Variants in TM4SF4 observed in about 807,000 individuals in gnomAD.
The protein encoded by TM4SF4 is transmembrane 4 L6 family member 4.
Under a neutral mutation model 24.1 loss-of-function variants are expected in TM4SF4, and 24 were observed. The observed-to-expected ratio is 1.00, with a 90% confidence interval of 0.72 to 1.40. The LOEUF is 1.40. TM4SF4 is among the 40% of genes most tolerant of loss of function. The pLI, the probability that TM4SF4 is intolerant of heterozygous loss-of-function variation, is 0.00. For synonymous variants in TM4SF4, 113 were observed against 97.0 expected (o/e 1.17, Z -0.97); for missense variants, 254 against 254.2 (o/e 1.00, Z 0.01).
At chr3:149,498,628 G>T in intron 3 of TM4SF4, 94 bp from the exon 4 acceptor site, 5 of 1,105,904 alleles carry the variant, frequency 4.5e-6, no homozygotes, top group Non-Finnish European at 6.7e-6. Context: ...TGGGTGGAAA[G>T]TAGTGCATGA....
chr3:149,493,723 G>C (rs1734258422), intron 3 of TM4SF4, among the ~76,000 whole-genome samples: 2 of 152,210 alleles, frequency 1.3e-5, no homozygotes, highest in Admixed American at 6.5e-5. Flanking sequence ...GTCCTGAAGA[G>C]AGGACAAACA....
At chr3:149,478,924 C>T (rs939051700) in intron 2 of TM4SF4, among the ~76,000 whole-genome samples, 7 of 151,978 alleles carry the variant, frequency 4.6e-5, no homozygotes, top group Admixed American at 2.6e-4. Context: ...CCACCATGCT[C>T]GGCTAATTTT....
rs747355286 is a variant in TM4SF4 at position 149,474,920 on chromosome 3, A to G, written c.43A>G (p.Ile15Val). The G allele has an allele frequency of 3.8e-5, 61 of 1,613,800 alleles. No homozygotes were observed. The highest frequency in any genetic ancestry group is 4.8e-5 in the Non-Finnish European group (57 of 1,179,878). Residue 15 changes from isoleucine (I) to valine (V), a missense_variant, in exon 1 of 5, where the codon ATT (isoleucine) becomes GTT (valine). By Grantham distance (29) the Ile-to-Val change is conservative. Coordinates refer to ENST00000305354, the MANE Select transcript of TM4SF4 (RefSeq NM_004617.4). Reference sequence around the variant, plus strand: ...TGCCAGATGCCTGGGGGGGACCCTCATTCCCCTTGCTTTTTTTGGCTTCCT... The same window carrying G: ...TGCCAGATGCCTGGGGGGGACCCTCGTTCCCCTTGCTTTTTTTGGCTTCCT... ...GCARCLGGTLIPLAFFGFLAN... is the reference protein window; with the variant it reads ...GCARCLGGTLVPLAFFGFLAN...
rs750684664 is a variant in TM4SF4, at chr3:149,498,813, G to T, written c.493G>T (p.Val165Phe). 6.2e-7 allele frequency: 1 copy of T among 1,613,872 alleles called. No homozygotes were observed. Among genetic ancestry groups the T allele is most frequent in the Non-Finnish European group, 8.5e-7 (1 of 1,179,876 alleles). The change falls in exon 4 of 5, where the codon GTC (valine) becomes TTC (phenylalanine). Residue 165 changes from valine (V) to phenylalanine (F), a missense_variant. Val to Phe is a conservative substitution (Grantham distance 50, BLOSUM62 -1). Coordinates refer to ENST00000305354, the MANE Select transcript of TM4SF4 (RefSeq NM_004617.4). ...WNLTLFSILL[V>F]VGGIQMVLCA... ...TCTGACCCTCTTCTCCATCCTGCTG[G>T]TCGTAGGAGGAATCCAGATGGTTCT... is the stretch of plus-strand genomic sequence containing the variant.
chr3:149,485,990 G>A (rs1196166431), intron 2 of TM4SF4, among the ~76,000 whole-genome samples: 1 of 152,186 alleles, frequency 6.6e-6, no homozygotes, highest in African/African-American at 2.4e-5. Context: ...AGATGAGTTG[G>A]CAAAAGAGTT....
intron 3 of TM4SF4, chr3:149,495,502 T>C: frequency 2.4e-6 from 1 of 422,236 alleles, no homozygotes; most frequent in South Asian, 2.3e-5. Flanking sequence ...AACTAAAGTC[T>C]GTTGAAATGC....
At chr3:149,498,351 T>A (rs936924184) in intron 3 of TM4SF4, among the ~76,000 whole-genome samples, 29 of 152,236 alleles carry the variant, frequency 1.9e-4, no homozygotes, top group African/African-American at 7.0e-4. Context: ...TCATAGATGG[T>A]GAATTTGCCT....
rs942478265 is a variant in TM4SF4, at chr3:149,483,626, G to A, written c.265-3993G>A. ...GTATAAGGCAAATCTGAACATAAAA[G>A]CATGTCTTATTTTCCCATAAAGAAA... On this transcript the variant is annotated intron_variant, in intron 2 of 4. Coordinates refer to ENST00000305354, the MANE Select transcript of TM4SF4 (RefSeq NM_004617.4). Among the ~76,000 whole-genome samples the A allele has an allele frequency of 2.0e-5, 3 of 151,400 alleles. No homozygotes were observed. The East Asian group carries it at 5.8e-4, about 29-fold the overall frequency.
At position 149,502,487 on chromosome 3, in the gene TM4SF4, C is replaced by A. The variant is rs552353542; in HGVS notation, c.592-189C>A. On this transcript the variant is annotated intron_variant, in intron 4 of 4. Transcript: ENST00000305354. ...TGCAAAACAAAATGAAGCTTCCATT[C>A]CTATAACCTCAACACAGGTGGGTGC... Among the ~76,000 whole-genome samples, 7 of 152,138 alleles carry A rather than the reference C, an allele frequency of 4.6e-5. No individual in the cohort carries two copies. In the South Asian group the frequency reaches 1.0e-3, roughly 23 times the overall value.
rs780211117 is a variant in TM4SF4, at chr3:149,475,912, G to C, written c.264G>C (p.Ala88=). Residue 88 remains alanine, a splice_region_variant and synonymous_variant, in exon 2 of 5, where the codon GCG becomes GCC. Transcript: ENST00000305354. ...CGNEGCGKRF[A]MFTSTIFAVV... is the part of the protein sequence containing the mutation. ...ACGAGGGCTGTGGGAAGCGATTTGC[G>C]GTGAGTTACCATGGGGGGCAGCTAC... The C allele has an allele frequency of 3.1e-6, 5 of 1,610,308 alleles. No homozygotes were observed. Among genetic ancestry groups the C allele is most frequent in the Middle Eastern group, 3.3e-4 (2 of 6,054 alleles).
intron 3 of TM4SF4, among the ~76,000 whole-genome samples, chr3:149,498,379 A>T (rs895333802): frequency 6.6e-6 from 1 of 152,190 alleles, no homozygotes; most frequent in African/African-American, 2.4e-5. Context: ...TGGACAGCTA[A>T]TGAAAATTGT....
At chr3:149,480,652 A>C (rs1346795824) in intron 2 of TM4SF4, among the ~76,000 whole-genome samples, 2 of 152,178 alleles carry the variant, frequency 1.3e-5, no homozygotes, top group African/African-American at 4.8e-5. Context: ...GAGGTCCTGC[A>C]GGCCAAAAGC....
At chr3:149,488,982 C>A (rs896797949) in intron 3 of TM4SF4, among the ~76,000 whole-genome samples, 1 of 152,142 alleles carries the variant, frequency 6.6e-6, no homozygotes, top group Non-Finnish European at 1.5e-5. Context: ...AGTGAAGGGG[C>A]CTAGTTCTCT....
intron 2 of TM4SF4, among the ~76,000 whole-genome samples, chr3:149,487,028 C>T (rs987201611): frequency 1.3e-5 from 2 of 152,090 alleles, no homozygotes; most frequent in Admixed American, 6.5e-5. Context: ...CCAAGGCAGG[C>T]GAATCAACTG....
rs781426056 is a variant in TM4SF4 at position 149,474,886 on chromosome 3, T to C, written c.9T>C (p.Thr3=). Residue 3 remains threonine (T), a synonymous_variant, in exon 1 of 5, where the codon ACT becomes ACC. Transcript: ENST00000305354. ...TGTCGTACCACCCCAGAATGTGCAC[T>C]GGGGGCTGTGCCAGATGCCTGGGGG... MC[T]GGCARCLGGT... 2.0e-5 allele frequency: 32 copies of C among 1,613,244 alleles called. No individual in the cohort carries two copies. The Admixed American group carries it at 5.4e-4, about 27-fold the overall frequency.
intron 3 of TM4SF4, among the ~76,000 whole-genome samples, chr3:149,494,180 T>C (rs1012820458): frequency 3.3e-5 from 5 of 152,146 alleles, no homozygotes; most frequent in African/African-American, 1.2e-4. Flanking sequence ...ACAGGCTTTT[T>C]TGCCAGACTC....
intron 3 of TM4SF4, among the ~76,000 whole-genome samples, chr3:149,491,652 C>T (rs955838524): frequency 2.6e-5 from 4 of 151,866 alleles, no homozygotes; most frequent in African/African-American, 4.8e-5. Flanking sequence ...GAACAAAAAA[C>T]GAATAGACAT....
intron 2 of TM4SF4, among the ~76,000 whole-genome samples, chr3:149,485,944 A>C (rs760463811): frequency 6.6e-6 from 1 of 152,248 alleles, no homozygotes; most frequent in Non-Finnish European, 1.5e-5. Context: ...GACAAAGCAC[A>C]TGAATAGAGC....
rs1019982533 is a variant in TM4SF4 at position 149,474,924 on chromosome 3, C to T, written c.47C>T (p.Pro16Leu). Residue 16 changes from proline to leucine, a missense_variant, in exon 1 of 5, where the codon CCC (proline) becomes CTC (leucine). By Grantham distance (98) the Pro-to-Leu change is moderately conservative. Transcript: ENST00000305354. ...AGATGCCTGGGGGGGACCCTCATTCCCCTTGCTTTTTTTGGCTTCCTGGCT... is the reference window on the plus strand; with the variant it reads ...AGATGCCTGGGGGGGACCCTCATTCTCCTTGCTTTTTTTGGCTTCCTGGCT... ...CARCLGGTLI[P>L]LAFFGFLANI... is the part of the protein sequence containing the mutation. 3 of 1,613,836 alleles carry T rather than the reference C, an allele frequency of 1.9e-6. No homozygotes were observed. Among genetic ancestry groups the T allele is most frequent in the African/African-American group, 1.3e-5 (1 of 74,914 alleles).
Sources: gnomAD v4.1 joint callset for allele counts (sites outside exome capture counted in the v4.1 genomes callset) on GRCh38, gnomAD v4.1.1 for gene constraint, MANE v1.5 for transcripts, NCBI Gene and HGNC (gene_info 2026-07-23, HGNC 2026-07-21) for gene names.